The following EML6 variants were observed in gnomAD, a reference collection of about 807,000 sequenced individuals.
EML6 encodes echinoderm microtubule-associated protein-like 6.
A neutral mutation model predicts 240.1 loss-of-function variants in EML6; 154 were observed. The ratio of observed to expected loss-of-function variants is 0.64; its 90% CI spans 0.56 to 0.73. EML6 has a LOEUF of 0.73. Ranked by LOEUF, EML6 falls within the 30% of genes least tolerant of loss-of-function variation. The probability of loss-of-function intolerance (pLI) is 0.00; values close to 1 mark genes in which losing one functional copy is unlikely to be tolerated. For missense variants in EML6, 2,964 were observed against 2,474.6 expected (o/e 1.20, Z -4.20); for synonymous variants, 1,148 against 899.0 (o/e 1.28, Z -4.95).
At chr2:54,808,154 C>G (rs1273794299) in intron 2 of EML6, among the ~76,000 whole-genome samples, 3 of 152,118 alleles carry the variant, frequency 2.0e-5, no homozygotes, top group African/African-American at 4.8e-5. Context: ...GCTGCCCAAG[C>G]CCACCAGGAA....
intron 13 of EML6, among the ~76,000 whole-genome samples, chr2:54,866,343 A>G (rs1217610024): frequency 3.3e-5 from 5 of 152,214 alleles, no homozygotes; most frequent in Admixed American, 6.5e-5. Flanking sequence ...GTTAAGATGC[A>G]TGAAGCTATG....
At chr2:54,945,882 T>C (rs963109997) in intron 28 of EML6, among the ~76,000 whole-genome samples, 2 of 152,180 alleles carry the variant, frequency 1.3e-5, no homozygotes, top group African/African-American at 2.4e-5. Flanking sequence ...ACAGCAGGAA[T>C]TGGCCTTCCC....
intron 16 of EML6, among the ~76,000 whole-genome samples, chr2:54,875,574 A>G (rs1023410356): frequency 2.0e-5 from 3 of 152,244 alleles, no homozygotes; most frequent in Non-Finnish European, 4.4e-5. Flanking sequence ...GATAACAAAT[A>G]AGCACAGTTA....
intron 2 of EML6, among the ~76,000 whole-genome samples, chr2:54,772,747 C>A (rs1668450444): frequency 1.3e-5 from 2 of 152,206 alleles, no homozygotes; most frequent in African/African-American, 2.4e-5. Context: ...GGGCTTCACA[C>A]CCAGGTCTGT....
intron 2 of EML6, among the ~76,000 whole-genome samples, chr2:54,728,415 C>G (rs1683004442): frequency 6.6e-6 from 1 of 152,208 alleles, no homozygotes; most frequent in African/African-American, 2.4e-5. Flanking sequence ...GGCTAGTTCC[C>G]TGTCTCCAGG....
intron 11 of EML6, 140 bp from the exon 12 acceptor site, chr2:54,859,394 T>A: frequency 1.5e-6 from 1 of 663,158 alleles, no homozygotes; most frequent in Non-Finnish European, 2.5e-6. Flanking sequence ...TTTGGTTATT[T>A]GTTACAATAT....
At chr2:54,900,260 A>T (rs1341456963) in intron 22 of EML6, among the ~76,000 whole-genome samples, 1 of 152,192 alleles carries the variant, frequency 6.6e-6, no homozygotes, top group African/African-American at 2.4e-5. Context: ...TTCAGCAAAC[A>T]TTTATTAAGT....
Position 54,897,694 on chromosome 2 carries a change from C to CT in EML6, c.2983-1935dup, listed in dbSNP as rs5831328. Among the ~76,000 whole-genome samples, 48 of 147,910 alleles carry CT rather than the reference C, an allele frequency of 3.2e-4. 1 individual carries two copies. The highest frequency in any genetic ancestry group is 1.0e-3 in the African/African-American group (42 of 40,176). Reference sequence around the variant, plus strand: ...CACCTACATGTGTACCATTCTCTCCCTTTTTTTTTTTTCAGCATCTTTTTT... The same window carrying CT: ...CACCTACATGTGTACCATTCTCTCCCTTTTTTTTTTTTTCAGCATCTTTTTT... On this transcript the variant is annotated intron_variant, in intron 21 of 41. Transcript: ENST00000356458.
Position 54,853,783 on chromosome 2 carries a change from A to G in EML6, c.1585A>G (p.Asn529Asp). 1 of 1,551,696 alleles carries G rather than the reference A, an allele frequency of 6.4e-7. No individual in the cohort carries two copies. Among genetic ancestry groups the G allele is most frequent in the South Asian group, 1.2e-5 (1 of 84,056 alleles). Residue 529 changes from asparagine (N) to aspartate (D), a missense_variant, in exon 11 of 42, where the codon AAC becomes GAC. Physicochemically the swap from Asn to Asp is conservative, Grantham distance 23 (BLOSUM62 1). Transcript: ENST00000356458. Reference protein sequence around the residue: ...TDINSVDANYNSSVLVSGDDF... With the variant: ...TDINSVDANYDSSVLVSGDDF... Reference sequence around the variant, plus strand: ...CATCAACTCAGTGGATGCGAATTACAACAGCTCAGTGCTGGTGTCTGGAGA... The same window carrying G: ...CATCAACTCAGTGGATGCGAATTACGACAGCTCAGTGCTGGTGTCTGGAGA...
At chr2:54,817,839 A>G (rs1011032914) in intron 4 of EML6, among the ~76,000 whole-genome samples, 11 of 150,992 alleles carry the variant, frequency 7.3e-5, no homozygotes, top group African/African-American at 2.7e-4. Context: ...ACATTGATCT[A>G]TGGAGGTTTG....
chr2:54,925,387 C>T (rs915940197), intron 26 of EML6, among the ~76,000 whole-genome samples: 2 of 152,170 alleles, frequency 1.3e-5, no homozygotes, highest in African/African-American at 4.8e-5. Flanking sequence ...AGACTAATGT[C>T]CCATGCCATT....
chr2:54,968,009 G>T (rs762482802), intron 39 of EML6, 119 bp from the exon 40 acceptor site: 10 of 1,012,940 alleles, frequency 9.9e-6, no homozygotes, highest in Non-Finnish European at 1.5e-5. Context: ...TGGCCTGGCT[G>T]TTGGGGACCC....
In EML6 at chr2:54,891,249, T is replaced by C. The variant is rs892173186; in HGVS notation, c.2539+95T>C. On this transcript the variant is annotated intron_variant, in intron 18 of 41. Transcript: ENST00000356458. Reference sequence around the variant, plus strand: ...AACTGTTGCTACTACCTCGCTTGTCTCTGCAATCTAAAATAAAAATGTGCC... The same window carrying C: ...AACTGTTGCTACTACCTCGCTTGTCCCTGCAATCTAAAATAAAAATGTGCC... 5.1e-6 allele frequency: 3 copies of C among 584,464 alleles called. No individual in the cohort carries two copies. In the African/African-American group the frequency reaches 5.5e-5, roughly 11 times the overall value. The allele number at this position is 584,464 out of a possible 1,614,324, so 36.2% of individuals were successfully genotyped here. A position where few individuals can be genotyped will look rare whatever the true frequency, so the allele number is the denominator to read the frequency against.
chr2:54,911,080 T>A lies in EML6; in HGVS notation c.3498+38T>A, dbSNP rs1292485535. The A allele has an allele frequency of 3.5e-6, 4 of 1,128,884 alleles. No homozygotes were observed. In the South Asian group the frequency reaches 5.8e-5, roughly 17 times the overall value. 69.9% of individuals were successfully genotyped at this position (1,128,884 alleles called of 1,614,324 possible). A position where few individuals can be genotyped will look rare whatever the true frequency, so the allele number is the denominator to read the frequency against. The stretch of plus-strand genomic sequence containing the variant: ...CACAAAGATTTTTAAAGATATTTTG[T>A]GAAGATTTAATATGTGCATTTTAAT... On this transcript the variant is annotated intron_variant, in intron 25 of 41. Coordinates refer to ENST00000356458, the MANE Select transcript of EML6 (RefSeq NM_001039753.4).
At chr2:54,945,472 A>C (rs1397898280) in intron 28 of EML6, among the ~76,000 whole-genome samples, 1 of 152,000 alleles carries the variant, frequency 6.6e-6, no homozygotes, top group Admixed American at 6.6e-5. Context: ...GTTGGAACTG[A>C]GTTTCCCCAC....
chr2:54,930,616 T>C (rs1054508167), intron 28 of EML6, among the ~76,000 whole-genome samples: 1 of 151,980 alleles, frequency 6.6e-6, no homozygotes, highest in East Asian at 1.9e-4. Context: ...CACACCAGGA[T>C]TTAGTGAAGA....
intron 13 of EML6, among the ~76,000 whole-genome samples, chr2:54,864,102 A>G (rs1315511600): frequency 6.6e-6 from 1 of 152,228 alleles, no homozygotes; most frequent in Admixed American, 6.5e-5. Context: ...AAGTAATTGC[A>G]AAGTTTGAAA....
chr2:54,900,917 G>A (rs143173032), intron 22 of EML6, among the ~76,000 whole-genome samples: 7 of 152,162 alleles, frequency 4.6e-5, no homozygotes, highest in African/African-American at 1.7e-4. Context: ...GAGGCTTGAA[G>A]GATCTGTAAA....
intron 2 of EML6, among the ~76,000 whole-genome samples, chr2:54,787,922 T>C (rs1669176561): frequency 1.3e-5 from 2 of 152,264 alleles, no homozygotes; most frequent in South Asian, 4.2e-4. Flanking sequence ...CGAGGCCTAG[T>C]TGAAACTTCC....
Sources: gnomAD v4.1 joint callset for allele counts (sites outside exome capture counted in the v4.1 genomes callset) on GRCh38, gnomAD v4.1.1 for gene constraint, MANE v1.5 for transcripts, NCBI Gene and HGNC (gene_info 2026-07-23, HGNC 2026-07-21) for gene names.